The following MAP2 variants were observed in gnomAD, a reference collection of about 807,000 sequenced individuals.
MAP2 encodes the protein microtubule associated protein 2, also known as microtubule-associated protein 2.
MAP2 carries 14 observed loss-of-function variants against 137.6 expected under a neutral mutation model. That is an observed-to-expected ratio of 0.10 (90% CI 0.07 to 0.16). MAP2 has a LOEUF of 0.16. MAP2 is among the 10% of genes least tolerant of loss of function. The probability of loss-of-function intolerance (pLI) is 1.00; values close to 1 mark genes in which losing one functional copy is unlikely to be tolerated. For synonymous variants in MAP2, 786 were observed against 782.3 expected, an observed-to-expected ratio of 1.00 and a Z score of -0.08; for missense variants, 2,088 against 2,191.5, an observed-to-expected ratio of 0.95 and a Z score of 0.94.
At position 209,592,406 on chromosome 2, in the gene MAP2, C is replaced by G. The variant is rs56043213; in HGVS notation, c.-107+12306C>G. ...ATTCGTGTCTCCCAGTGTCTTCTAT[C>G]TCATGTTATCTTTTCTGTATTTCCT... On this transcript the variant is annotated intron_variant, in intron 3 of 15. Coordinates refer to ENST00000682079, the MANE Select transcript of MAP2 (RefSeq NM_001375505.1). Among the ~76,000 whole-genome samples, 283 of 152,252 alleles carry G rather than the reference C, an allele frequency of 1.9e-3. 4 individuals carry two copies. Among genetic ancestry groups the G allele is most frequent in the East Asian group, 5.8e-4 (3 of 5,186 alleles).
intron 2 of MAP2, among the ~76,000 whole-genome samples, chr2:209,555,403 T>C (rs1326767470): frequency 6.6e-6 from 1 of 152,216 alleles, no homozygotes; most frequent in Non-Finnish European, 1.5e-5. Flanking sequence ...GAAGCTGTTT[T>C]AATGGAGGCC....
chr2:209,582,660 T>TAGAC (rs1262533595), intron 3 of MAP2, among the ~76,000 whole-genome samples: 1 of 16,056 alleles, frequency 6.2e-5, no homozygotes, highest in African/African-American at 7.4e-5. Context: ...AGATAGATGA[T>TAGAC]AGATAGATAG....
intron 2 of MAP2, among the ~76,000 whole-genome samples, chr2:209,524,755 T>C (rs140698544): frequency 3.2e-3 from 491 of 152,316 alleles, no homozygotes; most frequent in Non-Finnish European, 5.6e-3. Flanking sequence ...GAAATGTTGG[T>C]TCAATTGAAT....
intron 7 of MAP2, among the ~76,000 whole-genome samples, chr2:209,683,124 A>G (rs144071587): frequency 1.8e-3 from 269 of 152,288 alleles, no homozygotes; most frequent in African/African-American, 6.2e-3. Context: ...CTGTAGGGTA[A>G]TATGATGGAT....
chr2:209,610,449 T>C (rs2086438755), intron 3 of MAP2, among the ~76,000 whole-genome samples: 1 of 151,922 alleles, frequency 6.6e-6, no homozygotes, highest in East Asian at 1.9e-4. Context: ...GTTTTTACTT[T>C]TTTTTTTTTC....
intron 4 of MAP2, among the ~76,000 whole-genome samples, chr2:209,641,228 G>A (rs900019245): frequency 6.6e-6 from 1 of 152,052 alleles, no homozygotes. Context: ...TCAGAGTTGT[G>A]TCCAAAGAAG....
chr2:209,430,831 A>G (rs1421286463), intron 1 of MAP2, among the ~76,000 whole-genome samples: 2 of 137,138 alleles, frequency 1.5e-5, no homozygotes, highest in African/African-American at 5.0e-5. Context: ...CTAGGAGAAC[A>G]TAAAATACTA....
intron 12 of MAP2, among the ~76,000 whole-genome samples, chr2:209,707,059 T>G (rs1463432766): frequency 6.6e-6 from 1 of 152,142 alleles, no homozygotes; most frequent in Non-Finnish European, 1.5e-5. Context: ...TTGAACATAA[T>G]TAATAACCCC....
At chr2:209,581,715 G>A (rs1163071681) in intron 3 of MAP2, among the ~76,000 whole-genome samples, 1 of 151,974 alleles carries the variant, frequency 6.6e-6, no homozygotes, top group African/African-American at 2.4e-5. Context: ...TGAACTTTAG[G>A]ATATGTGTAT....
intron 5 of MAP2, among the ~76,000 whole-genome samples, chr2:209,659,109 T>G (rs570489752): frequency 1.1e-4 from 17 of 152,324 alleles, no homozygotes; most frequent in African/African-American, 4.1e-4. Context: ...GAACACAGTG[T>G]TCAGGAATTT....
intron 2 of MAP2, among the ~76,000 whole-genome samples, chr2:209,575,007 A>G (rs535816819): frequency 6.6e-6 from 1 of 152,342 alleles, no homozygotes; most frequent in South Asian, 2.1e-4. Flanking sequence ...GGCAGCATTA[A>G]TTTGTCAAAT....
intron 3 of MAP2, among the ~76,000 whole-genome samples, chr2:209,596,317 G>A (rs573861847): frequency 1.3e-5 from 2 of 152,132 alleles, no homozygotes; most frequent in East Asian, 1.9e-4. Flanking sequence ...TTATTCTTAC[G>A]AATAAACTGA....
intron 2 of MAP2, among the ~76,000 whole-genome samples, chr2:209,547,365 C>T (rs748981584): frequency 2.6e-5 from 4 of 152,054 alleles, no homozygotes; most frequent in Admixed American, 1.3e-4. Flanking sequence ...ATAAAAGTCC[C>T]CAGGCCACCT....
intron 2 of MAP2, among the ~76,000 whole-genome samples, chr2:209,543,255 G>A (rs992825586): frequency 4.6e-5 from 7 of 152,294 alleles, no homozygotes; most frequent in Non-Finnish European, 7.3e-5. Flanking sequence ...CATTAAGTTC[G>A]TTGTCTGATG....
rs967623017 is a variant in MAP2 at position 209,653,539 on chromosome 2, G to A, written c.262+107G>A. 2.6e-6 allele frequency: 3 copies of A among 1,150,748 alleles called. No individual in the cohort carries two copies. The African/African-American group carries it at 4.7e-5, about 18-fold the overall frequency. The allele number at this position is 1,150,748 out of a possible 1,614,324, so 71.3% of individuals were successfully genotyped here. A position where few individuals can be genotyped will look rare whatever the true frequency, so the allele number is the denominator to read the frequency against. The stretch of plus-strand genomic sequence containing the variant: ...ACTGATCCTCTTTCACTAGTGCTAG[G>A]ACTGAAATTCCAGTCAGTCAGAGGA... On this transcript the variant is annotated intron_variant, in intron 5 of 15. Coordinates refer to ENST00000682079, the MANE Select transcript of MAP2 (RefSeq NM_001375505.1).
intron 1 of MAP2, among the ~76,000 whole-genome samples, chr2:209,478,606 C>G (rs1260687279): frequency 6.6e-6 from 1 of 152,172 alleles, no homozygotes; most frequent in Non-Finnish European, 1.5e-5. Context: ...TCTCCTGTTG[C>G]AGAGTCCACT....
At position 209,730,303 on chromosome 2, in the gene MAP2, TCTC is replaced by T; in HGVS notation, c.5394_5396del (p.Ser1800del). The T allele has an allele frequency of 6.2e-7, 1 of 1,614,080 alleles. No individual in the cohort carries two copies. Among genetic ancestry groups the T allele is most frequent in the Non-Finnish European group, 8.5e-7 (1 of 1,179,980 alleles). The stretch of plus-strand genomic sequence containing the variant: ...GCATCACCCCGACGACTCAGCAATG[TCTC>T]CTCGTCTGGAAGCATCAACCTGCTC... On this transcript the variant is annotated inframe_deletion, in exon 16 of 16. Coordinates refer to ENST00000682079, the MANE Select transcript of MAP2 (RefSeq NM_001375505.1).
intron 4 of MAP2, among the ~76,000 whole-genome samples, chr2:209,652,593 G>A (rs1383490881): frequency 2.6e-5 from 4 of 152,048 alleles, no homozygotes; most frequent in South Asian, 2.1e-4. Context: ...AAACCAAAAC[G>A]GCTAATATGT....
rs75603152 is a variant in MAP2 at position 209,725,963 on chromosome 2, G to T, written c.5155+173G>T. ...GAAAATTTCAAGGCATCTTCATTGGGGAAAAGTGAACCCAATTACAATGAA... is the reference window on the plus strand; with the variant it reads ...GAAAATTTCAAGGCATCTTCATTGGTGAAAAGTGAACCCAATTACAATGAA... On this transcript the variant is annotated intron_variant, in intron 14 of 15. Coordinates refer to ENST00000682079, the MANE Select transcript of MAP2 (RefSeq NM_001375505.1). Among the ~76,000 whole-genome samples the T allele has an allele frequency of 1.7e-3, 254 of 152,038 alleles. 3 individuals are homozygous for T. In the East Asian group the frequency reaches 0.037, roughly 22 times the overall value.
Sources: allele counts gnomAD v4.1 joint callset (sites outside exome capture counted in the v4.1 genomes callset), GRCh38; gene constraint gnomAD v4.1.1; transcripts MANE v1.5; gene names NCBI Gene and HGNC (gene_info 2026-07-23, HGNC 2026-07-21).